B3GALT1: variants seen among roughly 807,000 people sequenced by gnomAD.
B3GALT1 encodes the protein UDP-Gal:betaGlcNAc beta 1,3-galactosyltransferase, polypeptide 1.
B3GALT1 carries 10 observed loss-of-function variants against 23.2 expected under a neutral mutation model. That is an observed-to-expected ratio of 0.43 (90% confidence interval 0.27 to 0.73). The LOEUF (loss-of-function observed/expected upper bound fraction) is 0.73. Ranked by LOEUF, B3GALT1 falls within the 30% of genes least tolerant of loss-of-function variation. B3GALT1 has a pLI of 0.21. For synonymous variants in B3GALT1, 156 were observed against 141.5 expected (o/e 1.10, Z -0.73); for missense variants, 299 against 405.4 (o/e 0.74, Z 2.25).
intron 3 of B3GALT1, among the ~76,000 whole-genome samples, chr2:167,668,972 C>T (rs1686269494): frequency 6.6e-6 from 1 of 152,170 alleles, no homozygotes; most frequent in South Asian, 2.1e-4. Flanking sequence ...CTATCCCATT[C>T]TCTAATGTCA....
At chr2:167,355,931 A>G (rs932667178) in intron 1 of B3GALT1, among the ~76,000 whole-genome samples, 2 of 152,218 alleles carry the variant, frequency 1.3e-5, no homozygotes, top group African/African-American at 2.4e-5. Context: ...ATGGGAGAGT[A>G]TTTTGTTTCA....
intron 3 of B3GALT1, among the ~76,000 whole-genome samples, chr2:167,686,027 T>A (rs973899202): frequency 6.6e-6 from 1 of 152,246 alleles, no homozygotes; most frequent in African/African-American, 2.4e-5. Flanking sequence ...GCAGTGACTG[T>A]CAGTCTGTGA....
At chr2:167,517,327 G>A (rs1700112670) in intron 2 of B3GALT1, among the ~76,000 whole-genome samples, 1 of 151,590 alleles carries the variant, frequency 6.6e-6, no homozygotes, top group Non-Finnish European at 1.5e-5. Flanking sequence ...TACAAAACAA[G>A]CTTTTGTATT....
intron 2 of B3GALT1, among the ~76,000 whole-genome samples, chr2:167,628,224 G>A (rs927046827): frequency 9.9e-5 from 15 of 151,494 alleles, no homozygotes; most frequent in East Asian, 3.9e-4. Context: ...CTATTGTTCC[G>A]TTGTGAATTG....
intron 3 of B3GALT1, among the ~76,000 whole-genome samples, chr2:167,800,883 C>A (rs1489371350): frequency 1.3e-5 from 2 of 152,134 alleles, no homozygotes; most frequent in Non-Finnish European, 2.9e-5. Context: ...TTAGCTTTGA[C>A]AGGCAGAGTC....
At chr2:167,504,299 C>G (rs1574107423) in intron 2 of B3GALT1, among the ~76,000 whole-genome samples, 1 of 152,100 alleles carries the variant, frequency 6.6e-6, no homozygotes, top group Admixed American at 6.6e-5. Context: ...GGAATGGATA[C>G]AATTCTAGCC....
chr2:167,501,204 A>T (rs1455096280), intron 2 of B3GALT1, among the ~76,000 whole-genome samples: 2 of 152,144 alleles, frequency 1.3e-5, no homozygotes, highest in East Asian at 3.8e-4. Context: ...AAAACTCTTT[A>T]AAGTGGGTAT....
chr2:167,372,848 A>G (rs1176418151), intron 1 of B3GALT1, among the ~76,000 whole-genome samples: 2 of 152,120 alleles, frequency 1.3e-5, no homozygotes, highest in African/African-American at 4.8e-5. Context: ...GGTGTGATAT[A>G]TCATGTCTGT....
intron 3 of B3GALT1, among the ~76,000 whole-genome samples, chr2:167,690,286 TAAA>T (rs932761891): frequency 4.2e-4 from 64 of 152,004 alleles, no homozygotes; most frequent in African/African-American, 1.5e-3. Context: ...AAGTTAACTA[TAAA>T]ATATAAATGC....
chr2:167,801,186 C>T (rs1386775534), intron 3 of B3GALT1, among the ~76,000 whole-genome samples: 1 of 152,208 alleles, frequency 6.6e-6, no homozygotes, highest in Non-Finnish European at 1.5e-5. Context: ...AATATAGATC[C>T]TTCAGAGCAA....
At chr2:167,303,644 T>TACACAC (rs61323885) in intron 1 of B3GALT1, among the ~76,000 whole-genome samples, 28 of 145,000 alleles carry the variant, frequency 1.9e-4, no homozygotes, top group African/African-American at 6.0e-4. Flanking sequence ...AACACACACA[T>TACACAC]ACACACACAC....
At chr2:167,529,091 T>G (rs1449601009) in intron 2 of B3GALT1, among the ~76,000 whole-genome samples, 2 of 152,142 alleles carry the variant, frequency 1.3e-5, no homozygotes, top group Non-Finnish European at 2.9e-5. Flanking sequence ...CATTTCTCAT[T>G]TTTCATTTAC....
intron 1 of B3GALT1, among the ~76,000 whole-genome samples, chr2:167,306,723 A>G (rs1178502610): frequency 1.3e-5 from 2 of 151,984 alleles, no homozygotes; most frequent in African/African-American, 2.4e-5. Flanking sequence ...ACTTCCTTTC[A>G]GTCTCATTTC....
chr2:167,628,430 A>G (rs1286644796), intron 2 of B3GALT1, among the ~76,000 whole-genome samples: 1 of 151,680 alleles, frequency 6.6e-6, no homozygotes, highest in Non-Finnish European at 1.5e-5. Flanking sequence ...CTCAGATTGT[A>G]TATCTAACCT....
chr2:167,624,991 A>T (rs529958735), intron 2 of B3GALT1, among the ~76,000 whole-genome samples: 1 of 151,996 alleles, frequency 6.6e-6, no homozygotes, highest in South Asian at 2.1e-4. Context: ...GTCAAATTTC[A>T]TTCCATAAAG....
At chr2:167,699,378 C>CTTTTTTTT (rs1285786645) in intron 3 of B3GALT1, among the ~76,000 whole-genome samples, 25 of 78,638 alleles carry the variant, frequency 3.2e-4, no homozygotes, top group Admixed American at 4.4e-4. Context: ...GCCATTATTT[C>CTTTTTTTT]TATTTTTTTT....
At chr2:167,635,632 TA>T (rs143487048) in intron 2 of B3GALT1, among the ~76,000 whole-genome samples, 147,620 of 152,070 alleles carry the variant, frequency 0.97, 71,805 homozygotes, top group East Asian at 1. Context: ...GAATACAACT[TA>T]AAAAGGGATG....
At chr2:167,510,553 A>G (rs894950192) in intron 2 of B3GALT1, among the ~76,000 whole-genome samples, 1 of 152,100 alleles carries the variant, frequency 6.6e-6, no homozygotes, top group Non-Finnish European at 1.5e-5. Flanking sequence ...TTACAGAGGA[A>G]TCTAACTGGG....
At chr2:167,446,655 G>A (rs529535151) in intron 1 of B3GALT1, among the ~76,000 whole-genome samples, 10 of 151,986 alleles carry the variant, frequency 6.6e-5, no homozygotes, top group East Asian at 3.9e-4. Context: ...TGATCAAATC[G>A]GCTACTGAAG....
Sources: allele counts gnomAD v4.1 joint callset (sites outside exome capture counted in the v4.1 genomes callset), GRCh38; gene constraint gnomAD v4.1.1; transcripts MANE v1.5; gene names NCBI Gene and HGNC (gene_info 2026-07-23, HGNC 2026-07-21).